Variants in GRIA1 observed in about 807,000 individuals in gnomAD.
The protein encoded by GRIA1 is glutamate receptor 1.
In GRIA1, 31 loss-of-function variants were observed where a neutral mutation model predicts 99.2. The observed-to-expected ratio is 0.31, with a 90% CI of 0.23 to 0.42. The LOEUF is 0.42. Among genes scored for constraint, GRIA1 ranks in the 10% least tolerant of loss-of-function variants. The pLI, the probability that GRIA1 is intolerant of heterozygous loss-of-function variation, is 1.00. For missense variants in GRIA1, 782 were observed against 1,157.5 expected (o/e 0.68, Z 4.71); for synonymous variants, 438 against 432.4 (o/e 1.01, Z -0.16).
intron 11 of GRIA1, among the ~76,000 whole-genome samples, chr5:153,715,281 T>C (rs1036462906): frequency 6.6e-6 from 1 of 151,910 alleles, no homozygotes; most frequent in Non-Finnish European, 1.5e-5. Context: ...CATGCTCCCA[T>C]TATGCCTTTA....
chr5:153,811,379 T>C lies in GRIA1; in HGVS notation c.*154T>C. Reference sequence around the variant, plus strand: ...GATTCAACAGGTTTTCCTGAAGAATTGAAAAACCATTTTGCTGTCCCTTTT... The same window carrying C: ...GATTCAACAGGTTTTCCTGAAGAATCGAAAAACCATTTTGCTGTCCCTTTT... On this transcript the variant is annotated 3_prime_UTR_variant, in exon 16 of 16. Coordinates refer to ENST00000285900, the MANE Select transcript of GRIA1 (RefSeq NM_000827.4). 1 of 615,436 alleles carries C rather than the reference T, an allele frequency of 1.6e-6. No homozygotes were observed. Among genetic ancestry groups the C allele is most frequent in the Non-Finnish European group, 2.9e-6 (1 of 342,796 alleles). The allele number at this position is 615,436 out of a possible 1,614,324, so 38.1% of individuals were successfully genotyped here.
chr5:153,785,447 A>G (rs1764913764), intron 13 of GRIA1, among the ~76,000 whole-genome samples: 1 of 152,194 alleles, frequency 6.6e-6, no homozygotes, highest in Admixed American at 6.5e-5. Context: ...AAGTGTGGAC[A>G]CTTGACAATA....
chr5:153,768,446 T>G (rs1325794821), intron 12 of GRIA1, among the ~76,000 whole-genome samples: 3 of 152,160 alleles, frequency 2.0e-5, no homozygotes, highest in African/African-American at 7.2e-5. Flanking sequence ...AAGACTGATA[T>G]CCAGGGCTCC....
chr5:153,611,289 G>A (rs951013262), intron 2 of GRIA1, among the ~76,000 whole-genome samples: 1 of 152,132 alleles, frequency 6.6e-6, no homozygotes, highest in Non-Finnish European at 1.5e-5. Context: ...ATTAGCTATG[G>A]TAGGAATATT....
At chr5:153,730,654 A>C (rs1371307059) in intron 11 of GRIA1, among the ~76,000 whole-genome samples, 1 of 152,148 alleles carries the variant, frequency 6.6e-6, no homozygotes, top group Non-Finnish European at 1.5e-5. Flanking sequence ...TCAATAAAAG[A>C]ATGGTGGACT....
chr5:153,496,459 A>G (rs1320871470), intron 2 of GRIA1, among the ~76,000 whole-genome samples: 1 of 152,224 alleles, frequency 6.6e-6, no homozygotes, highest in Non-Finnish European at 1.5e-5. Flanking sequence ...GTCTAGTGGG[A>G]AACATTGTTA....
chr5:153,681,773 T>C (rs949746200), intron 7 of GRIA1, among the ~76,000 whole-genome samples: 1 of 152,144 alleles, frequency 6.6e-6, no homozygotes, highest in African/African-American at 2.4e-5. Context: ...TCGTGGTTCA[T>C]ACCTGTAATC....
intron 10 of GRIA1, among the ~76,000 whole-genome samples, chr5:153,701,978 A>G (rs922071463): frequency 1.3e-5 from 2 of 152,200 alleles, no homozygotes; most frequent in Non-Finnish European, 2.9e-5. Context: ...TACTCTGCAT[A>G]TCGACTTCAT....
intron 2 of GRIA1, among the ~76,000 whole-genome samples, chr5:153,571,280 G>A (rs1246406885): frequency 6.6e-6 from 1 of 152,164 alleles, no homozygotes; most frequent in Non-Finnish European, 1.5e-5. Context: ...ATTTGTCCAT[G>A]ATGGGGACAT....
At chr5:153,585,203 C>G (rs1312486679) in intron 2 of GRIA1, among the ~76,000 whole-genome samples, 3 of 151,678 alleles carry the variant, frequency 2.0e-5, no homozygotes, top group Non-Finnish European at 4.4e-5. Context: ...CACCAAAGCT[C>G]TATGTGACCG....
At chr5:153,509,348 C>A (rs1021032785) in intron 2 of GRIA1, among the ~76,000 whole-genome samples, 18 of 152,124 alleles carry the variant, frequency 1.2e-4, no homozygotes, top group African/African-American at 4.3e-4. Context: ...GAAAACAGAC[C>A]ATTTTCCAAA....
intron 2 of GRIA1, among the ~76,000 whole-genome samples, chr5:153,537,501 G>A (rs1209022946): frequency 2.0e-5 from 3 of 152,170 alleles, no homozygotes; most frequent in Admixed American, 6.5e-5. Context: ...GTGTCTCGCT[G>A]CCTGGGTCCC....
chr5:153,701,744 T>C (rs1191733715), intron 10 of GRIA1, among the ~76,000 whole-genome samples: 2 of 151,908 alleles, frequency 1.3e-5, no homozygotes, highest in African/African-American at 2.4e-5. Flanking sequence ...ACCAAGTGAT[T>C]TGGAGAAGCA....
intron 1 of GRIA1, among the ~76,000 whole-genome samples, chr5:153,491,862 C>G (rs7356588): frequency 6.6e-6 from 1 of 152,036 alleles, no homozygotes; most frequent in Non-Finnish European, 1.5e-5. Context: ...TCAAAGGCCC[C>G]GCCACCCTCC....
intron 8 of GRIA1, among the ~76,000 whole-genome samples, chr5:153,691,048 C>T (rs1757708408): frequency 6.6e-6 from 1 of 152,180 alleles, no homozygotes; most frequent in African/African-American, 2.4e-5. Flanking sequence ...AGGCCTATTT[C>T]CTGTTCACTC....
chr5:153,784,958 C>G (rs1334413471), intron 13 of GRIA1, among the ~76,000 whole-genome samples: 1 of 152,058 alleles, frequency 6.6e-6, no homozygotes, highest in African/African-American at 2.4e-5. Context: ...TACGGAGGCT[C>G]TGGTCCCCAC....
chr5:153,789,198 T>C (rs1765150005), intron 13 of GRIA1, among the ~76,000 whole-genome samples: 1 of 152,116 alleles, frequency 6.6e-6, no homozygotes, highest in Admixed American at 6.5e-5. Context: ...CTCCAGTTTG[T>C]TATTGTTTCT....
chr5:153,625,521 C>T (rs921822306), intron 2 of GRIA1, among the ~76,000 whole-genome samples: 3 of 152,180 alleles, frequency 2.0e-5, no homozygotes, highest in African/African-American at 7.2e-5. Flanking sequence ...AGAGCTCTCT[C>T]TGATACCACG....
chr5:153,507,087 C>A (rs1755582971), intron 2 of GRIA1, among the ~76,000 whole-genome samples: 1 of 152,126 alleles, frequency 6.6e-6, no homozygotes, highest in South Asian at 2.1e-4. Context: ...CAAGCCACTG[C>A]ACTCCAGCCT....
Sources: allele counts gnomAD v4.1 joint callset (sites outside exome capture counted in the v4.1 genomes callset), GRCh38; gene constraint gnomAD v4.1.1; transcripts MANE v1.5; gene names NCBI Gene and HGNC (gene_info 2026-07-23, HGNC 2026-07-21).